ATP2C1: variants seen among roughly 807,000 people sequenced by gnomAD.
ATP2C1 encodes the protein ATPase secretory pathway Ca2+ transporting 1.
ATP2C1 carries 31 observed loss-of-function variants against 120.5 expected under a neutral mutation model. The ratio of observed to expected loss-of-function variants is 0.26; its 90% CI spans 0.19 to 0.35. The LOEUF (loss-of-function observed/expected upper bound fraction) is 0.35, where lower values mean the gene tolerates loss of function less well. Among genes scored for constraint, ATP2C1 ranks in the 10% least tolerant of loss-of-function variants. The probability of loss-of-function intolerance (pLI) is 1.00; values close to 1 mark genes in which losing one functional copy is unlikely to be tolerated. For missense variants in ATP2C1, 731 were observed against 1,107.5 expected (o/e 0.66, Z 4.83); for synonymous variants, 351 against 358.7 (o/e 0.98, Z 0.24).
chr3:131,002,776 C>T lies in ATP2C1; in HGVS notation c.*1426C>T, dbSNP rs142449501. ...CAATATTAAACTGCAAGTGTTAGCACTGAAATATTGTCATTGATAGGGAAA... is the reference window on the plus strand; with the variant it reads ...CAATATTAAACTGCAAGTGTTAGCATTGAAATATTGTCATTGATAGGGAAA... On this transcript the variant is annotated 3_prime_UTR_variant, in exon 28 of 28. Transcript: ENST00000510168. 2.0e-6 allele frequency: 2 copies of T among 985,538 alleles called. No homozygotes were observed. The highest frequency in any genetic ancestry group is 1.7e-5 in the African/African-American group (1 of 57,356). The allele number at this position is 985,538 out of a possible 1,614,324, so 61.0% of individuals were successfully genotyped here. A position where few individuals can be genotyped will look rare whatever the true frequency, so the allele number is the denominator to read the frequency against.
At chr3:130,999,774 T>A (rs2062800166) in intron 27 of ATP2C1, 115 bp downstream of exon 27, 2 of 1,019,474 alleles carry the variant, frequency 2.0e-6, no homozygotes, top group Admixed American at 2.4e-5. Flanking sequence ...CTCACTTGAT[T>A]TGAAAAAGGA....
intron 1 of ATP2C1, among the ~76,000 whole-genome samples, chr3:130,858,459 T>C (rs1351768320): frequency 6.6e-6 from 1 of 152,254 alleles, no homozygotes; most frequent in Non-Finnish European, 1.5e-5. Flanking sequence ...TTAACTCCTT[T>C]AGAGCAGCCT....
At chr3:131,013,662 T>A (rs2063431862) in intron 26 of ATP2C1, among the ~76,000 whole-genome samples, 1 of 152,228 alleles carries the variant, frequency 6.6e-6, no homozygotes, top group Admixed American at 6.5e-5. Context: ...GACTTCATAC[T>A]AAAGTACAAA....
intron 20 of ATP2C1, among the ~76,000 whole-genome samples, chr3:130,986,864 ATTAGT>A (rs1230278748): frequency 0.061 from 8,405 of 137,226 alleles, 403 homozygotes; most frequent in East Asian, 0.13. Flanking sequence ...CAGCTTTTTG[ATTAGT>A]TTAGTTTAGT....
chr3:130,952,391 G>A (rs1209771702), intron 8 of ATP2C1, among the ~76,000 whole-genome samples: 2 of 152,088 alleles, frequency 1.3e-5, no homozygotes, highest in Admixed American at 6.6e-5. Context: ...TGAAGATTCT[G>A]TGAACCAATT....
chr3:130,913,451 C>T (rs993969256), intron 2 of ATP2C1, among the ~76,000 whole-genome samples: 26 of 152,074 alleles, frequency 1.7e-4, no homozygotes, highest in Non-Finnish European at 3.5e-4. Flanking sequence ...GCCCACCTGT[C>T]AGAAATTATG....
intron 1 of ATP2C1, among the ~76,000 whole-genome samples, chr3:130,887,186 A>C (rs550110629): frequency 6.6e-6 from 1 of 152,168 alleles, no homozygotes; most frequent in East Asian, 1.9e-4. Flanking sequence ...AAACAAATGA[A>C]GTCTCTCTGT....
intron 7 of ATP2C1, among the ~76,000 whole-genome samples, chr3:130,941,153 A>G (rs1028832895): frequency 5.3e-5 from 8 of 151,666 alleles, no homozygotes; most frequent in Admixed American, 3.9e-4. Flanking sequence ...TGACCTCGTG[A>G]TCTGCCCACC....
chr3:130,880,099 C>T (rs2068734480), intron 1 of ATP2C1, among the ~76,000 whole-genome samples: 1 of 152,106 alleles, frequency 6.6e-6, no homozygotes. Flanking sequence ...TTACTTATGA[C>T]ATTCATTAAA....
chr3:130,940,794 G>A, intron 7 of ATP2C1, 103 bp downstream of exon 7: 1 of 891,812 alleles, frequency 1.1e-6, no homozygotes, highest in South Asian at 1.4e-5. Context: ...TGAACATAAG[G>A]AAGATACTAT....
At chr3:131,007,359 T>C (rs528549105), downstream of ATP2C1, among the ~76,000 whole-genome samples, 1 of 152,334 alleles carries the variant, frequency 6.6e-6, no homozygotes, top group Admixed American at 6.5e-5. Flanking sequence ...CTGACAAATA[T>C]ACTGACAAAG....
At chr3:130,865,865 G>A (rs2068160025) in intron 1 of ATP2C1, among the ~76,000 whole-genome samples, 1 of 152,146 alleles carries the variant, frequency 6.6e-6, no homozygotes, top group Non-Finnish European at 1.5e-5. Context: ...CATAGTTTCT[G>A]AAACTTGTCT....
intron 2 of ATP2C1, among the ~76,000 whole-genome samples, chr3:130,897,937 C>T (rs2069777605): frequency 6.6e-6 from 1 of 152,108 alleles, no homozygotes; most frequent in Non-Finnish European, 1.5e-5. Flanking sequence ...TAAACAGATC[C>T]CGCTTAGGCA....
chr3:130,916,489 G>T (rs965418708), intron 2 of ATP2C1, among the ~76,000 whole-genome samples: 2 of 152,022 alleles, frequency 1.3e-5, no homozygotes, highest in African/African-American at 2.4e-5. Context: ...CCCAAAAGGT[G>T]ATTGATTAGT....
chr3:130,882,773 T>C (rs1283575923), intron 1 of ATP2C1, among the ~76,000 whole-genome samples: 2 of 152,210 alleles, frequency 1.3e-5, no homozygotes, highest in South Asian at 4.1e-4. Flanking sequence ...TCATTGAGGA[T>C]TTTTGCATTA....
chr3:130,878,775 A>G (rs1198414019), intron 1 of ATP2C1, among the ~76,000 whole-genome samples: 2 of 152,160 alleles, frequency 1.3e-5, no homozygotes, highest in African/African-American at 2.4e-5. Flanking sequence ...ATTCCTTTAG[A>G]TATGACTTGA....
chr3:130,970,377 C>A (rs537769679), intron 17 of ATP2C1, among the ~76,000 whole-genome samples: 8 of 141,090 alleles, frequency 5.7e-5, no homozygotes, highest in African/African-American at 2.1e-4. Context: ...ATTACACACA[C>A]ACACACACAC....
intron 2 of ATP2C1, chr3:130,918,983 C>T (rs547629834): frequency 2.2e-5 from 9 of 405,968 alleles, no homozygotes; most frequent in African/African-American, 1.5e-4. Context: ...CAGAGCAAGA[C>T]TCCGTCTTAA....
downstream of ATP2C1, among the ~76,000 whole-genome samples, chr3:131,006,557 G>A (rs1301396380): frequency 6.6e-6 from 1 of 152,014 alleles, no homozygotes. Flanking sequence ...CCAATGTTGA[G>A]AATCAGAGCT....
Sources: allele counts gnomAD v4.1 joint callset (sites outside exome capture counted in the v4.1 genomes callset), GRCh38; gene constraint gnomAD v4.1.1; transcripts MANE v1.5; gene names NCBI Gene and HGNC (gene_info 2026-07-23, HGNC 2026-07-21).